SH3PXD2B: variants seen among roughly 807,000 people sequenced by gnomAD.
The protein encoded by SH3PXD2B is SH3 and PX domain-containing protein 2B.
SH3PXD2B carries 37 observed loss-of-function variants against 73.1 expected under a neutral mutation model. The ratio of observed to expected loss-of-function variants is 0.51; its 90% confidence interval spans 0.39 to 0.67. SH3PXD2B has a LOEUF of 0.67. Ranked by LOEUF, SH3PXD2B falls within the 30% of genes least tolerant of loss-of-function variation. The pLI is 0.00. For synonymous variants in SH3PXD2B, 457 were observed against 480.5 expected, an observed-to-expected ratio of 0.95 and a Z score of 0.64; for missense variants, 1,053 against 1,197.8, an observed-to-expected ratio of 0.88 and a Z score of 1.78.
chr5:172,378,094 G>A (rs1009180991), intron 5 of SH3PXD2B, among the ~76,000 whole-genome samples: 6 of 152,174 alleles, frequency 3.9e-5, no homozygotes, highest in African/African-American at 1.2e-4. Context: ...TGCAGCCTCC[G>A]GGACTTCCCA....
At chr5:172,358,977 A>G (rs1289140481) in intron 7 of SH3PXD2B, 100 bp from the exon 8 acceptor site, 15 of 1,105,304 alleles carry the variant, frequency 1.4e-5, no homozygotes, top group Non-Finnish European at 2.0e-5. Context: ...GTGAATGCAC[A>G]GGGTAAGGCT....
At chr5:172,393,116 T>G (rs2113396180) in intron 4 of SH3PXD2B, among the ~76,000 whole-genome samples, 1 of 152,342 alleles carries the variant, frequency 6.6e-6, no homozygotes, top group East Asian at 1.9e-4. Flanking sequence ...TAGAAAAGAT[T>G]TTGACAGGGA....
rs2113311300 is a variant in SH3PXD2B at position 172,358,873 on chromosome 5, C to T, written c.567G>A (p.Trp189Ter). 6 of 1,613,906 alleles carry T rather than the reference C, an allele frequency of 3.7e-6. No homozygotes were observed. The highest frequency in any genetic ancestry group is 5.1e-6 in the Non-Finnish European group (6 of 1,179,902). ...GCTCCTCGGCAGTGCTGACGAACCA[C>T]CAACCTGGGGAAGCAAGAGTGCAGA... ...VDIIEKNESG[W>*]WFVSTAEEQG... Residue 189 changes from tryptophan (W) to a stop codon, truncating the protein, a stop_gained, in exon 8 of 13, where the codon TGG becomes TGA. Transcript: ENST00000311601. LOFTEE classifies it high-confidence loss of function.
intron 12 of SH3PXD2B, chr5:172,325,504 A>G: frequency 1.6e-6 from 1 of 628,828 alleles, no homozygotes; most frequent in Non-Finnish European, 2.8e-6. Context: ...ATTTATAAAG[A>G]ACAGGGATTT....
chr5:172,337,754 C>A lies in SH3PXD2B; in HGVS notation c.*615G>T. On this transcript the variant is annotated 3_prime_UTR_variant, in exon 13 of 13. Coordinates refer to ENST00000311601, the MANE Select transcript of SH3PXD2B (RefSeq NM_001017995.3). ...AGGGCGGCTGAGCGGATCTCCAGGCCCACTCCTGGGGGAGCCGCATCCAGT... is the reference window on the plus strand; with the variant it reads ...AGGGCGGCTGAGCGGATCTCCAGGCACACTCCTGGGGGAGCCGCATCCAGT... 1 of 994,776 alleles carries A rather than the reference C, an allele frequency of 1.0e-6. No individual in the cohort carries two copies. The highest frequency in any genetic ancestry group is 1.2e-6 in the Non-Finnish European group (1 of 835,412). 61.6% of individuals were successfully genotyped at this position (994,776 alleles called of 1,614,324 possible).
intron 2 of SH3PXD2B, among the ~76,000 whole-genome samples, chr5:172,415,758 C>T (rs1472528431): frequency 6.6e-6 from 1 of 152,186 alleles, no homozygotes; most frequent in Non-Finnish European, 1.5e-5. Context: ...TTTCCTTTGC[C>T]ACACTGATGG....
Position 172,348,669 on chromosome 5 carries a change from A to G in SH3PXD2B, c.1013-1337T>C, listed in dbSNP as rs1381364500. On this transcript the variant is annotated intron_variant, in intron 10 of 12. Coordinates refer to ENST00000311601, the MANE Select transcript of SH3PXD2B (RefSeq NM_001017995.3). ...ATCTATCTATCCTATCTATCTATCT[A>G]TCTATCTATCTATCTATCTATCTAT... Among the ~76,000 whole-genome samples the G allele has an allele frequency of 5.3e-3, 265 of 50,034 alleles. 4 individuals carry two copies. The highest frequency in any genetic ancestry group is 0.017 in the African/African-American group (254 of 15,220). The allele number at this position is 50,034 out of a possible 152,430, so 32.8% of individuals were successfully genotyped here.
At chr5:172,423,123 C>T (rs1336992125) in intron 1 of SH3PXD2B, among the ~76,000 whole-genome samples, 1 of 152,172 alleles carries the variant, frequency 6.6e-6, no homozygotes, top group Non-Finnish European at 1.5e-5. Context: ...ACCTGTGTCA[C>T]ACGTCACGGC....
chr5:172,436,710 G>A, intron 1 of SH3PXD2B, among the ~76,000 whole-genome samples: 1 of 152,240 alleles, frequency 6.6e-6, no homozygotes, highest in East Asian at 1.9e-4. Context: ...CTCATGCAGT[G>A]CACGGAGGGG....
rs145606770 is a variant in SH3PXD2B, at chr5:172,413,794, G to A, written c.157-7442C>T. ...ATGGTAATAGCTTTTAGTGGGAAGG[G>A]AAAACTATTCCATTTAAGTATGCAC... On this transcript the variant is annotated intron_variant, in intron 2 of 12. Transcript: ENST00000311601. 5.3e-3 allele frequency among the ~76,000 whole-genome samples: 800 copies of A among 152,348 alleles called. 26 individuals carry two copies. The highest frequency in any genetic ancestry group is 0.048 in the Admixed American group (730 of 15,298).
chr5:172,325,691 G>A lies in SH3PXD2B; in HGVS notation c.1189-311C>T, dbSNP rs116061977. On this transcript the variant is annotated intron_variant, in intron 12 of 12. Transcript: ENST00000519643. The stretch of plus-strand genomic sequence containing the variant: ...CACTTCCTCTGTCAAGCCCCTTTAC[G>A]AGGGCAACTAATTCCATTCATGAGG... Among the ~76,000 whole-genome samples the A allele has an allele frequency of 3.4e-3, 516 of 152,292 alleles. 7 individuals are homozygous for A. The highest frequency in any genetic ancestry group is 0.012 in the African/African-American group (490 of 41,570).
At position 172,336,017 on chromosome 5, in the gene SH3PXD2B, A is replaced by G. The variant is rs1228811978; in HGVS notation, c.*2352T>C. On this transcript the variant is annotated 3_prime_UTR_variant, in exon 13 of 13. Transcript: ENST00000311601. The stretch of plus-strand genomic sequence containing the variant: ...GGGCAAGTCTGCTCCTACCCAGCTG[A>G]CCCCCGGGAGGAAGGAATGAAGCAA... 9.9e-7 allele frequency: 1 copy of G among 1,005,160 alleles called. No homozygotes were observed. The highest frequency in any genetic ancestry group is 1.2e-6 in the Non-Finnish European group (1 of 843,638). 62.3% of individuals were successfully genotyped at this position (1,005,160 alleles called of 1,614,324 possible). A position where few individuals can be genotyped will look rare whatever the true frequency, so the allele number is the denominator to read the frequency against.
Position 172,337,910 on chromosome 5 carries a change from C to T in SH3PXD2B, c.*459G>A. On this transcript the variant is annotated 3_prime_UTR_variant, in exon 13 of 13. Coordinates refer to ENST00000311601, the MANE Select transcript of SH3PXD2B (RefSeq NM_001017995.3). ...GCAATTTAGGAGGAGTGAATAAAGC[C>T]ACTGGGCTTTTAGAAACATGAAGAA... is the stretch of plus-strand genomic sequence containing the variant. The T allele has an allele frequency of 1.9e-6, 2 of 1,030,916 alleles. No homozygotes were observed. Among genetic ancestry groups the T allele is most frequent in the Non-Finnish European group, 2.3e-6 (2 of 857,356 alleles). The allele number at this position is 1,030,916 out of a possible 1,614,324, so 63.9% of individuals were successfully genotyped here. A position where few individuals can be genotyped will look rare whatever the true frequency, so the allele number is the denominator to read the frequency against.
Position 172,339,262 on chromosome 5 carries a change from T to C in SH3PXD2B, c.1843A>G (p.Ile615Val), listed in dbSNP as rs748835403. Reference sequence around the variant, plus strand: ...GGCAGGTCAGTTTTGGATTTGGAGATGGGCCGGAGGTTGGGCTTCTTCACT... The same window carrying C: ...GGCAGGTCAGTTTTGGATTTGGAGACGGGCCGGAGGTTGGGCTTCTTCACT... ...KEVKKPNLRP[I>V]SKSKTDLPEE... is the part of the protein sequence containing the mutation. The change falls in exon 13 of 13, where the codon ATC becomes GTC. Residue 615 changes from isoleucine (I) to valine (V), a missense_variant. Around this residue, in one of 2 missense-constraint regions of SH3PXD2B, gnomAD observed 587 missense variants for 590.7 expected, o/e 0.99. Coordinates refer to ENST00000311601, the MANE Select transcript of SH3PXD2B (RefSeq NM_001017995.3). This position sits in a 1 kb window ranked among gnomAD's most constrained non-coding sequence, Gnocchi z 6.1. 5 of 1,614,202 alleles carry C rather than the reference T, an allele frequency of 3.1e-6. No individual in the cohort carries two copies. Among genetic ancestry groups the C allele is most frequent in the South Asian group, 1.1e-5 (1 of 91,078 alleles).
At position 172,339,383 on chromosome 5, in the gene SH3PXD2B, G is replaced by A; in HGVS notation, c.1722C>T (p.Asp574=). ...CAGGTTTGGGCTCTGGCCTCCTGCT[G>A]TCCCGGGCTGGAGGGATGTGTTTGG... ...MPAKHIPPAR[D]SRRPEPKPDK... is the part of the protein sequence containing the mutation. The change falls in exon 13 of 13, where the codon GAC becomes GAT. Residue 574 remains aspartate (D), a synonymous_variant. Transcript: ENST00000311601. This position sits in a 1 kb window ranked among gnomAD's most constrained non-coding sequence, Gnocchi z 6.1. The A allele has an allele frequency of 1.2e-6, 2 of 1,614,204 alleles. No homozygotes were observed. Among genetic ancestry groups the A allele is most frequent in the Non-Finnish European group, 1.7e-6 (2 of 1,180,032 alleles).
At chr5:172,348,683 C>CT (rs1391664073) in intron 10 of SH3PXD2B, among the ~76,000 whole-genome samples, 3 of 43,162 alleles carry the variant, frequency 7.0e-5, no homozygotes, top group African/African-American at 1.2e-4. Flanking sequence ...ATCTATCTAT[C>CT]TATCTATCTA....
At chr5:172,381,886 C>A in intron 5 of SH3PXD2B, 150 bp downstream of exon 5, 1 of 614,894 alleles carries the variant, frequency 1.6e-6, no homozygotes, top group Non-Finnish European at 2.9e-6. Context: ...CCACTTACAG[C>A]AACTCTGAAG....
At chr5:172,397,490 AC>A (rs1338882096) in intron 3 of SH3PXD2B, among the ~76,000 whole-genome samples, 2 of 152,030 alleles carry the variant, frequency 1.3e-5, no homozygotes, top group Non-Finnish European at 2.9e-5. Flanking sequence ...CACTAATAAA[AC>A]TTGCTGGTTT....
At position 172,445,028 on chromosome 5, in the gene SH3PXD2B, AT is replaced by A. The variant is rs1759633067; in HGVS notation, c.75+9249del. On this transcript the variant is annotated intron_variant, in intron 1 of 12. Transcript: ENST00000311601. This position sits in a 1 kb window ranked among gnomAD's most constrained non-coding sequence, Gnocchi z 5.2. ...AAACACGCCATGTGCCAGGGTTTCCATTTCTTTGCCCTCCTGTTCTCTCTAC... is the reference window on the plus strand; with the variant it reads ...AAACACGCCATGTGCCAGGGTTTCCATTCTTTGCCCTCCTGTTCTCTCTAC... 6.6e-6 allele frequency among the ~76,000 whole-genome samples: 1 copy of A among 152,016 alleles called. No individual in the cohort carries two copies. The highest frequency in any genetic ancestry group is 2.4e-5 in the African/African-American group (1 of 41,376).
Sources: allele counts gnomAD v4.1 joint callset (sites outside exome capture counted in the v4.1 genomes callset), GRCh38; gene constraint gnomAD v4.1.1; regional missense constraint gnomAD v4.1.1; non-coding constraint Gnocchi (gnomAD v3.1); transcripts MANE v1.5; gene names NCBI Gene and HGNC (gene_info 2026-07-23, HGNC 2026-07-21).